ZRANB1: variants seen among roughly 807,000 people sequenced by gnomAD.
ZRANB1 encodes the protein zinc finger RANBP2-type containing 1.
A neutral mutation model predicts 80.5 loss-of-function variants in ZRANB1; 16 were observed. The ratio of observed to expected loss-of-function variants is 0.20; its 90% confidence interval spans 0.13 to 0.30. ZRANB1 has a LOEUF of 0.30. ZRANB1 is among the 10% of genes least tolerant of loss of function. The pLI, the probability that ZRANB1 is intolerant of heterozygous loss-of-function variation, is 1.00. For synonymous variants in ZRANB1, 291 were observed against 293.1 expected (o/e 0.99, Z 0.07); for missense variants, 576 against 862.6 (o/e 0.67, Z 4.16).
intron 2 of ZRANB1, among the ~76,000 whole-genome samples, chr10:124,970,880 C>T (rs1198653450): frequency 6.9e-6 from 1 of 144,332 alleles, no homozygotes; most frequent in African/African-American, 2.6e-5. Flanking sequence ...CTCTGTCACC[C>T]TGGCTGGAGT....
At chr10:124,960,532 G>C (rs1951724568) in intron 1 of ZRANB1, among the ~76,000 whole-genome samples, 1 of 152,094 alleles carries the variant, frequency 6.6e-6, no homozygotes, top group African/African-American at 2.4e-5. Flanking sequence ...CCTGGGCTCA[G>C]GTGATCCTCA....
upstream of ZRANB1, among the ~76,000 whole-genome samples, chr10:124,939,317 A>C (rs964410198): frequency 6.6e-6 from 1 of 151,694 alleles, no homozygotes. Context: ...TAAAGACTTG[A>C]GCCACTGTGC....
chr10:124,981,475 G>T (rs748695979), intron 5 of ZRANB1: 1 of 297,206 alleles, frequency 3.4e-6, no homozygotes. Context: ...TTGAAAATTT[G>T]GTTGTCGGTA....
upstream of ZRANB1, chr10:124,940,598 A>ATT (rs143159305): frequency 1.1e-4 from 131 of 1,156,298 alleles, no homozygotes; most frequent in Admixed American, 2.3e-4. Flanking sequence ...TCTTATAGTG[A>ATT]TTTTTTTTTC....
chr10:124,948,638 C>T (rs541651347), intron 1 of ZRANB1, among the ~76,000 whole-genome samples: 144 of 152,080 alleles, frequency 9.5e-4, no homozygotes, highest in African/African-American at 3.1e-3. Flanking sequence ...CCATGACTGC[C>T]GTATCTAAAA....
chr10:124,952,287 C>T (rs1390497808), intron 1 of ZRANB1, among the ~76,000 whole-genome samples: 3 of 152,162 alleles, frequency 2.0e-5, no homozygotes, highest in Non-Finnish European at 4.4e-5. Flanking sequence ...TCACAAGCGT[C>T]CTTGTAAATC....
intron 2 of ZRANB1, among the ~76,000 whole-genome samples, chr10:124,970,215 G>C (rs1463371367): frequency 6.6e-6 from 1 of 152,032 alleles, no homozygotes; most frequent in Non-Finnish European, 1.5e-5. Flanking sequence ...TGGTAATCTT[G>C]GCCAATAAAG....
the ZRANB1 span, among the ~76,000 whole-genome samples, chr10:124,916,916 C>A: frequency 1.3e-5 from 2 of 152,018 alleles, no homozygotes; most frequent in African/African-American, 4.8e-5. Flanking sequence ...GTCCCTCGGC[C>A]GCCGCCATTA....
the ZRANB1 span, among the ~76,000 whole-genome samples, chr10:124,920,309 C>G: frequency 6.6e-6 from 1 of 152,210 alleles, no homozygotes; most frequent in Non-Finnish European, 1.5e-5. Context: ...GCTTTGAATA[C>G]TTATCCTCTC....
At chr10:124,980,136 C>G (rs1951919688) in intron 5 of ZRANB1, among the ~76,000 whole-genome samples, 1 of 152,174 alleles carries the variant, frequency 6.6e-6, no homozygotes, top group South Asian at 2.1e-4. Flanking sequence ...GTATTGCCAG[C>G]TTGACAATAT....
intron 1 of ZRANB1, among the ~76,000 whole-genome samples, chr10:124,945,008 A>G (rs893780358): frequency 1.3e-5 from 2 of 152,332 alleles, no homozygotes; most frequent in East Asian, 3.9e-4. Context: ...ATTGAGGGGC[A>G]ACATACAGTA....
rs1225599470 is a variant in ZRANB1 at position 124,987,194 on chromosome 10, T to TAGAG, written c.*2205_*2206insGAGA. ...AACAGCCATAATTATTGTCCCAAGA[T>TAGAG]AGAATATAGTCCTTTTTCAAAGATG... On this transcript the variant is annotated 3_prime_UTR_variant, in exon 9 of 9. Coordinates refer to ENST00000359653, the MANE Select transcript of ZRANB1 (RefSeq NM_017580.3). 1 of 152,394 alleles carries TAGAG rather than the reference T, an allele frequency of 6.6e-6. No individual in the cohort carries two copies. Among genetic ancestry groups the TAGAG allele is most frequent in the Non-Finnish European group, 1.5e-5 (1 of 67,998 alleles). The allele number at this position is 152,394 out of a possible 1,614,324, so 9.4% of individuals were successfully genotyped here. A position where few individuals can be genotyped will look rare whatever the true frequency, so the allele number is the denominator to read the frequency against.
chr10:124,944,484 T>TCCCC lies in ZRANB1; in HGVS notation c.814+1188_814+1191dup, dbSNP rs56891265. ...TTTAAAATTAAATTATATATATCATTCCCCCCCCCCCCCCGCCCCAAGATG... is the reference window on the plus strand; with the variant it reads ...TTTAAAATTAAATTATATATATCATTCCCCCCCCCCCCCCCCCCGCCCCAAGATG... On this transcript the variant is annotated intron_variant, in intron 1 of 8. Coordinates refer to ENST00000359653, the MANE Select transcript of ZRANB1 (RefSeq NM_017580.3). Among the ~76,000 whole-genome samples the TCCCC allele has an allele frequency of 8.7e-4, 53 of 60,908 alleles. 1 individual carries two copies. The highest frequency in any genetic ancestry group is 1.6e-3 in the African/African-American group (28 of 17,982). The allele number at this position is 60,908 out of a possible 152,430, so 40.0% of individuals were successfully genotyped here. A position where few individuals can be genotyped will look rare whatever the true frequency, so the allele number is the denominator to read the frequency against.
chr10:124,978,523 T>G (rs574130186), intron 5 of ZRANB1, among the ~76,000 whole-genome samples: 3 of 152,354 alleles, frequency 2.0e-5, no homozygotes, highest in Non-Finnish European at 2.9e-5. Flanking sequence ...CTGAATATAT[T>G]GTACTTGCCT....
rs760813299 is a variant in ZRANB1, at chr10:124,963,554, G to GTTTTTTTTTTTTTT, written c.815-3030_815-3017dup. On this transcript the variant is annotated intron_variant, in intron 1 of 8. Coordinates refer to ENST00000359653, the MANE Select transcript of ZRANB1 (RefSeq NM_017580.3). Reference sequence around the variant, plus strand: ...ATTGTAAGGTTTTTTTTTTTTGTTTGTTTTTTTTTTTTTTTTTTTTTTTGG... The same window carrying GTTTTTTTTTTTTTT: ...ATTGTAAGGTTTTTTTTTTTTGTTTGTTTTTTTTTTTTTTTTTTTTTTTTTTTTTTTTTTTTTGG... 7.8e-4 allele frequency among the ~76,000 whole-genome samples: 45 copies of GTTTTTTTTTTTTTT among 57,512 alleles called. 1 individual carries two copies. Among genetic ancestry groups the GTTTTTTTTTTTTTT allele is most frequent in the Non-Finnish European group, 1.1e-3 (33 of 30,842 alleles). The allele number at this position is 57,512 out of a possible 152,430, so 37.7% of individuals were successfully genotyped here. A position where few individuals can be genotyped will look rare whatever the true frequency, so the allele number is the denominator to read the frequency against.
the ZRANB1 span, among the ~76,000 whole-genome samples, chr10:124,922,731 T>A: frequency 6.6e-6 from 1 of 151,870 alleles, no homozygotes; most frequent in Non-Finnish European, 1.5e-5. Context: ...GACCTCGTGA[T>A]CTGCCCGCCT....
chr10:124,918,123 A>G, the ZRANB1 span, among the ~76,000 whole-genome samples: 1 of 152,122 alleles, frequency 6.6e-6, no homozygotes, highest in African/African-American at 2.4e-5. Flanking sequence ...TTTTGGTTTC[A>G]CCGTGTTTAT....
At chr10:124,930,386 C>T in the ZRANB1 span, among the ~76,000 whole-genome samples, 4 of 152,174 alleles carry the variant, frequency 2.6e-5, no homozygotes, top group Non-Finnish European at 4.4e-5. Flanking sequence ...CTGCCTCAGC[C>T]TCCTGAGTAG....
intron 1 of ZRANB1, among the ~76,000 whole-genome samples, chr10:124,951,261 A>G (rs1480671751): frequency 5.9e-5 from 9 of 152,184 alleles, no homozygotes; most frequent in Admixed American, 5.9e-4. Context: ...AAAAGTTTCT[A>G]CTGTTGAAAT....
Sources: allele counts gnomAD v4.1 joint callset (sites outside exome capture counted in the v4.1 genomes callset), GRCh38; gene constraint gnomAD v4.1.1; transcripts MANE v1.5; gene names NCBI Gene and HGNC (gene_info 2026-07-23, HGNC 2026-07-21).